Variants in MAEL observed in about 807,000 individuals in gnomAD.
MAEL encodes protein maelstrom homolog.
MAEL carries 46 observed loss-of-function variants against 62.0 expected under a neutral mutation model. The observed-to-expected ratio is 0.74, with a 90% confidence interval of 0.59 to 0.95. The LOEUF (loss-of-function observed/expected upper bound fraction) is 0.95, where lower values mean the gene tolerates loss of function less well. Ranked by LOEUF, MAEL falls within the 40% of genes least tolerant of loss-of-function variation. The pLI, the probability that MAEL is intolerant of heterozygous loss-of-function variation, is 0.00. For missense variants in MAEL, 497 were observed against 526.8 expected (o/e 0.94, Z 0.55); for synonymous variants, 172 against 175.5 (o/e 0.98, Z 0.16).
chr1:166,977,503 C>T lies in MAEL; in HGVS notation c.-121+1837C>T, dbSNP rs185073298. On this transcript the variant is annotated intron_variant, in intron 1 of 12. Coordinates refer to the MAEL transcript ENST00000622874. ...TGGCAGAGCTAGGATTTGAATCTGA[C>T]TCTAAAGCATATACTGTTTGCACCA... Among the ~76,000 whole-genome samples the T allele has an allele frequency of 5.6e-3, 849 of 152,240 alleles. 8 individuals are homozygous for T. The highest frequency in any genetic ancestry group is 0.019 in the African/African-American group (808 of 41,542).
intron 8 of MAEL, among the ~76,000 whole-genome samples, chr1:167,014,710 G>T (rs565525852): frequency 1.6e-4 from 24 of 152,222 alleles, no homozygotes; most frequent in African/African-American, 5.3e-4. Flanking sequence ...ATAAAAAATG[G>T]CCTGAATAGT....
At chr1:167,004,766 G>C (rs1174333958) in intron 6 of MAEL, among the ~76,000 whole-genome samples, 2 of 152,080 alleles carry the variant, frequency 1.3e-5, no homozygotes, top group African/African-American at 4.8e-5. Flanking sequence ...TAGTATAACC[G>C]TGAAGTGATT....
At chr1:167,006,927 C>T (rs1664940152) in intron 8 of MAEL, among the ~76,000 whole-genome samples, 1 of 151,944 alleles carries the variant, frequency 6.6e-6, no homozygotes, top group Non-Finnish European at 1.5e-5. Flanking sequence ...TGAGCCACTG[C>T]TCCCAGCTTT....
At chr1:167,006,967 G>T (rs2102104151) in intron 8 of MAEL, among the ~76,000 whole-genome samples, 1 of 151,720 alleles carries the variant, frequency 6.6e-6, no homozygotes, top group South Asian at 2.1e-4. Context: ...TATTTTGTGG[G>T]GAAATACTTT....
chr1:167,007,557 T>TTGTGTG (rs71073634), intron 8 of MAEL, among the ~76,000 whole-genome samples: 396 of 128,458 alleles, frequency 3.1e-3, no homozygotes, highest in African/African-American at 6.2e-3. Context: ...AAATATATGT[T>TTGTGTG]TGTGTGTGTG....
chr1:166,991,293 T>A, intron 2 of MAEL, 85 bp from the exon 3 acceptor site: 1 of 806,180 alleles, frequency 1.2e-6, no homozygotes, highest in Non-Finnish European at 2.2e-6. Flanking sequence ...ATAGGCTGTT[T>A]TGCAGTTATT....
chr1:166,992,179 CAGT>C (rs1664205906), intron 3 of MAEL, among the ~76,000 whole-genome samples: 1 of 152,140 alleles, frequency 6.6e-6, no homozygotes, highest in African/African-American at 2.4e-5. Context: ...TAAATGTGTC[CAGT>C]CTTGGTAAAT....
chr1:167,001,513 T>C lies in MAEL; in HGVS notation c.524-2667T>C, dbSNP rs369281651. On this transcript the variant is annotated intron_variant, in intron 5 of 11. Coordinates refer to ENST00000367872, the MANE Select transcript of MAEL (RefSeq NM_032858.3). ...TATTTTTAGCAATAAAATATTTTTA[T>C]ATTAAGGTATGTTCATTTTTAAAAC... 5.7e-4 allele frequency among the ~76,000 whole-genome samples: 87 copies of C among 152,368 alleles called. No homozygotes were observed. In the South Asian group the frequency reaches 0.018, roughly 32 times the overall value.
At chr1:166,994,117 A>T (rs1664305336) in intron 5 of MAEL, 48 bp downstream of exon 5, 14 of 1,475,088 alleles carry the variant, frequency 9.5e-6, no homozygotes, top group African/African-American at 1.4e-5. Flanking sequence ...ATCTATTCAT[A>T]CCTGGTTAGA....
At chr1:167,003,708 C>T (rs1372058116) in intron 5 of MAEL, among the ~76,000 whole-genome samples, 1 of 152,162 alleles carries the variant, frequency 6.6e-6, no homozygotes. Flanking sequence ...TATCCTCACG[C>T]TTTTTTATTT....
At chr1:167,018,917 C>G (rs932764469) in intron 10 of MAEL, among the ~76,000 whole-genome samples, 1 of 152,054 alleles carries the variant, frequency 6.6e-6, no homozygotes, top group Non-Finnish European at 1.5e-5. Context: ...GGCTCTGTAT[C>G]CTGATTGTGG....
intron 8 of MAEL, among the ~76,000 whole-genome samples, chr1:167,007,033 G>A (rs1026744529): frequency 2.6e-5 from 4 of 151,736 alleles, no homozygotes; most frequent in African/African-American, 4.8e-5. Context: ...TTAGTATCAA[G>A]TGCTGATTTT....
intron 5 of MAEL, among the ~76,000 whole-genome samples, chr1:166,997,734 C>T (rs549940985): frequency 9.9e-5 from 15 of 152,072 alleles, no homozygotes; most frequent in East Asian, 5.8e-4. Context: ...GTAAATGTGT[C>T]GATATTTTTT....
intron 11 of MAEL, 64 bp downstream of exon 11, chr1:167,021,224 A>G: frequency 8.9e-7 from 1 of 1,125,836 alleles, no homozygotes; most frequent in East Asian, 2.4e-5. Context: ...CTAAGATCCC[A>G]GGTGTGGTAT....
At position 166,992,758 on chromosome 1, in the gene MAEL, G is replaced by C. The variant is rs113109340; in HGVS notation, c.398G>C (p.Arg133Pro). ...GAGCTACCTCCTCATTGTGAACAGC[G>C]CTTCCTCCCTTGTGAAATTGGCTGT... ...HGELPPHCEQ[R>P]FLPCEIGCVK... Residue 133 changes from arginine (R) to proline (P), a missense_variant, in exon 4 of 12, where the codon CGC becomes CCC. Arg to Pro is a moderately radical substitution (Grantham distance 103). Transcript: ENST00000367872. The C allele has an allele frequency of 3.1e-6, 5 of 1,611,182 alleles. No homozygotes were observed. The highest frequency in any genetic ancestry group is 2.7e-5 in the African/African-American group (2 of 74,706).
At chr1:167,010,717 G>T (rs989486900) in intron 8 of MAEL, among the ~76,000 whole-genome samples, 3 of 152,102 alleles carry the variant, frequency 2.0e-5, no homozygotes, top group Non-Finnish European at 4.4e-5. Context: ...CAAATTGCTG[G>T]GATTACAGGT....
chr1:167,015,147 A>C (rs1201405000), intron 8 of MAEL, among the ~76,000 whole-genome samples: 1 of 152,176 alleles, frequency 6.6e-6, no homozygotes, highest in African/African-American at 2.4e-5. Flanking sequence ...AGAAGAGTGT[A>C]TAGAAAGGCA....
chr1:166,981,834 G>T (rs754895125), intron 1 of MAEL, among the ~76,000 whole-genome samples: 2 of 152,182 alleles, frequency 1.3e-5, no homozygotes, highest in African/African-American at 2.4e-5. Context: ...GGGAAACCAG[G>T]ATAGCAGATT....
chr1:167,004,304 GGTAATTTCAGGTTAA>G lies in MAEL; in HGVS notation c.648+2_648+16del. 6.3e-7 allele frequency: 1 copy of G among 1,584,212 alleles called. No homozygotes were observed. The highest frequency in any genetic ancestry group is 8.5e-7 in the Non-Finnish European group (1 of 1,169,596). The stretch of plus-strand genomic sequence containing the variant: ...GGAACTGGCCACCTATCTACTGCAA[GGTAATTTCAGGTTAA>G]GAAGTTCTTTTAAGGTATCAATTTA... On this transcript the variant is annotated splice_donor_variant and splice_donor_5th_base_variant and intron_variant, in intron 6 of 11. Transcript: ENST00000367872. LOFTEE classifies it high-confidence loss of function.
Sources: allele counts gnomAD v4.1 joint callset (sites outside exome capture counted in the v4.1 genomes callset), GRCh38; gene constraint gnomAD v4.1.1; transcripts MANE v1.5; gene names NCBI Gene and HGNC (gene_info 2026-07-23, HGNC 2026-07-21).